The following LYPLA1 variants were observed in gnomAD, a reference collection of about 807,000 sequenced individuals.
The protein encoded by LYPLA1 is acyl-protein thioesterase 1.
In LYPLA1, 17 loss-of-function variants were observed where a neutral mutation model predicts 34.0. The ratio of observed to expected loss-of-function variants is 0.50; its 90% confidence interval spans 0.34 to 0.75. LYPLA1 has a LOEUF of 0.75. Among genes scored for constraint, LYPLA1 ranks in the 30% least tolerant of loss-of-function variants. LYPLA1 has a pLI of 0.01. For missense variants in LYPLA1, 203 were observed against 288.8 expected (o/e 0.70, Z 2.15); for synonymous variants, 98 against 100.8 (o/e 0.97, Z 0.17).
intron 4 of LYPLA1, among the ~76,000 whole-genome samples, chr8:54,062,555 A>AGGCTGAAGTGCAGTGGCAT (rs1806734926): frequency 1.3e-5 from 2 of 151,494 alleles, no homozygotes; most frequent in African/African-American, 4.9e-5. Context: ...TCTGTTGCTC[A>AGGCTGAAGTGCAGTGGCAT]GGCTGAAGTG....
chr8:54,091,181 T>G (rs1809218505), intron 2 of LYPLA1, among the ~76,000 whole-genome samples: 1 of 152,002 alleles, frequency 6.6e-6, no homozygotes, highest in African/African-American at 2.4e-5. Flanking sequence ...CAACCTCCAT[T>G]CTACATAAGA....
At chr8:54,087,698 G>A (rs1808909527) in intron 2 of LYPLA1, among the ~76,000 whole-genome samples, 1 of 152,108 alleles carries the variant, frequency 6.6e-6, no homozygotes, top group Non-Finnish European at 1.5e-5. Context: ...TTTTAAAACG[G>A]CAAAGGATCT....
chr8:54,075,917 C>T (rs1420546179), intron 2 of LYPLA1, among the ~76,000 whole-genome samples: 2 of 152,168 alleles, frequency 1.3e-5, no homozygotes, highest in African/African-American at 4.8e-5. Flanking sequence ...CCTATGGAAT[C>T]ATTATTGATT....
intron 3 of LYPLA1, among the ~76,000 whole-genome samples, chr8:54,065,004 C>T (rs1030654414): frequency 3.9e-5 from 6 of 152,284 alleles, no homozygotes; most frequent in Admixed American, 2.6e-4. Context: ...TTGCTCAAAA[C>T]TTTCAGAGCC....
At chr8:54,049,913 A>C (rs1325604245) in intron 8 of LYPLA1, among the ~76,000 whole-genome samples, 2 of 152,056 alleles carry the variant, frequency 1.3e-5, no homozygotes, top group Non-Finnish European at 2.9e-5. Flanking sequence ...CTTTCTTCCT[A>C]AACTATTTCT....
At chr8:54,079,659 T>C (rs928024401) in intron 2 of LYPLA1, among the ~76,000 whole-genome samples, 1 of 151,812 alleles carries the variant, frequency 6.6e-6, no homozygotes, top group South Asian at 2.1e-4. Flanking sequence ...CAAAATTAGC[T>C]GGGAGCGCTC....
chr8:54,092,505 T>C (rs943729166), intron 2 of LYPLA1, among the ~76,000 whole-genome samples: 1 of 152,162 alleles, frequency 6.6e-6, no homozygotes, highest in Non-Finnish European at 1.5e-5. Flanking sequence ...CATGCTATAG[T>C]ATGAGAATCA....
chr8:54,064,460 AGCAGAATGATAGAGG>A, intron 3 of LYPLA1, among the ~76,000 whole-genome samples: 1 of 152,232 alleles, frequency 6.6e-6, no homozygotes, highest in Non-Finnish European at 1.5e-5. Context: ...CTCTTGCTTG[AGCAGAATGATAGAGG>A]ACATAGCAAC....
At chr8:54,054,045 A>C (rs1806031360) in intron 6 of LYPLA1, among the ~76,000 whole-genome samples, 1 of 152,156 alleles carries the variant, frequency 6.6e-6, no homozygotes, top group Non-Finnish European at 1.5e-5. Context: ...TAGTGGTGCG[A>C]TCTTGGCTCA....
chr8:54,061,300 C>T (rs553754089), intron 5 of LYPLA1, among the ~76,000 whole-genome samples: 2 of 152,080 alleles, frequency 1.3e-5, no homozygotes, highest in Admixed American at 6.5e-5. Context: ...AGGCTGGTCT[C>T]GAACTCCTGA....
chr8:54,064,055 A>G (rs1018824017), intron 3 of LYPLA1, among the ~76,000 whole-genome samples: 20 of 143,912 alleles, frequency 1.4e-4, no homozygotes, highest in Admixed American at 7.5e-4. Flanking sequence ...CAAACTTCCT[A>G]GGTTGGGCAA....
chr8:54,066,601 T>G (rs1238354893), intron 2 of LYPLA1, among the ~76,000 whole-genome samples: 1 of 151,528 alleles, frequency 6.6e-6, no homozygotes, highest in Non-Finnish European at 1.5e-5. Context: ...CCCAACATAG[T>G]GAAACCCCAT....
intron 2 of LYPLA1, among the ~76,000 whole-genome samples, chr8:54,084,137 A>ATATATATAT (rs1563642470): frequency 6.2e-4 from 74 of 120,038 alleles, no homozygotes; most frequent in African/African-American, 3.1e-3. Context: ...AAAAAAAATA[A>ATATATATAT]ATAAATATAT....
downstream of LYPLA1, among the ~76,000 whole-genome samples, chr8:54,044,375 G>C (rs1335064552): frequency 6.6e-6 from 1 of 152,180 alleles, no homozygotes; most frequent in Non-Finnish European, 1.5e-5. Flanking sequence ...CCAGGTGCCT[G>C]AGAGTAAAGC....
At chr8:54,043,668 T>C (rs1410017455), downstream of LYPLA1, among the ~76,000 whole-genome samples, 1 of 151,720 alleles carries the variant, frequency 6.6e-6, no homozygotes, top group Non-Finnish European at 1.5e-5. Flanking sequence ...TTCAAGCAAT[T>C]CACCTGCCTC....
At chr8:54,080,369 T>C (rs938781413) in intron 2 of LYPLA1, among the ~76,000 whole-genome samples, 5 of 152,110 alleles carry the variant, frequency 3.3e-5, no homozygotes, top group Non-Finnish European at 5.9e-5. Context: ...AAAATAGTAA[T>C]AACAATCTTC....
At chr8:54,075,266 C>A (rs1479889412) in intron 2 of LYPLA1, among the ~76,000 whole-genome samples, 1 of 152,166 alleles carries the variant, frequency 6.6e-6, no homozygotes, top group Non-Finnish European at 1.5e-5. Flanking sequence ...GTGGAGAGAT[C>A]CGATTACAAA....
chr8:54,073,460 CCTTGTGATGTATGGCATCTCATAG>C, intron 2 of LYPLA1: 1 of 769,546 alleles, frequency 1.3e-6, no homozygotes. Context: ...GCTGTGATGG[CCTTGTGATGTATGGCATCTCATAG>C]CTTCCAGGAC....
At chr8:54,048,653 A>T (rs1805635205) in intron 8 of LYPLA1, among the ~76,000 whole-genome samples, 2 of 152,198 alleles carry the variant, frequency 1.3e-5, no homozygotes, top group African/African-American at 4.8e-5. Flanking sequence ...TTCTCCTCTT[A>T]GCCTCTTGCA....
Sources: allele counts gnomAD v4.1 joint callset (sites outside exome capture counted in the v4.1 genomes callset), GRCh38; gene constraint gnomAD v4.1.1; transcripts MANE v1.5; gene names NCBI Gene and HGNC (gene_info 2026-07-23, HGNC 2026-07-21).